The following NPSR1 variants were observed in gnomAD, a reference collection of about 807,000 sequenced individuals.
The protein encoded by NPSR1 is neuropeptide S receptor 1.
A neutral mutation model predicts 46.9 loss-of-function variants in NPSR1; 48 were observed. The observed-to-expected ratio is 1.02, with a 90% CI of 0.81 to 1.30. NPSR1 has a LOEUF of 1.30. Ranked by LOEUF, NPSR1 falls within the 50% of genes most tolerant of loss-of-function variation. NPSR1 has a pLI of 0.00. For synonymous variants in NPSR1, 176 were observed against 168.1 expected, an observed-to-expected ratio of 1.05 and a Z score of -0.36; for missense variants, 450 against 449.5, an observed-to-expected ratio of 1.00 and a Z score of -0.01.
chr7:34,834,465 G>C lies in NPSR1; in HGVS notation c.757+5G>C, dbSNP rs1562764273. 1 of 1,601,606 alleles carries C rather than the reference G, an allele frequency of 6.2e-7. No homozygotes were observed. Among genetic ancestry groups the C allele is most frequent in the African/African-American group, 1.3e-5 (1 of 74,620 alleles). ...CAGTGATTTCCAACTGCTCAGGTAA[G>C]TCTCTACTCTGCATGGCCCAATTCT... On this transcript the variant is annotated splice_donor_5th_base_variant and intron_variant, in intron 6 of 8. Coordinates refer to ENST00000360581, the MANE Select transcript of NPSR1 (RefSeq NM_207172.2).
At chr7:34,763,544 T>C (rs576857146) in intron 2 of NPSR1, among the ~76,000 whole-genome samples, 2 of 152,306 alleles carry the variant, frequency 1.3e-5, no homozygotes, top group East Asian at 1.9e-4. Context: ...TCATGTATTA[T>C]AGGTACTATA....
At chr7:34,877,854 C>T (rs1791613816) in intron 8 of NPSR1, among the ~76,000 whole-genome samples, 1 of 152,062 alleles carries the variant, frequency 6.6e-6, no homozygotes, top group South Asian at 2.1e-4. Flanking sequence ...GGCAGCAGGG[C>T]CCAGCCCTTA....
chr7:34,680,249 C>T (rs986370687), intron 1 of NPSR1, among the ~76,000 whole-genome samples: 1 of 152,020 alleles, frequency 6.6e-6, no homozygotes, highest in African/African-American at 2.4e-5. Flanking sequence ...ATACAAAAGA[C>T]TTAATGAAAT....
intron 5 of NPSR1, among the ~76,000 whole-genome samples, chr7:34,830,228 G>A (rs1273347107): frequency 6.6e-6 from 1 of 152,190 alleles, no homozygotes; most frequent in Non-Finnish European, 1.5e-5. Flanking sequence ...AATTCTCTGA[G>A]TAAGGTTAAA....
At chr7:34,696,988 T>G (rs183546827) in intron 2 of NPSR1, among the ~76,000 whole-genome samples, 1 of 152,144 alleles carries the variant, frequency 6.6e-6, no homozygotes, top group Admixed American at 6.5e-5. Flanking sequence ...TTTTTAAGGA[T>G]ACATACCAAA....
chr7:34,691,070 T>C (rs1793226024), intron 2 of NPSR1, among the ~76,000 whole-genome samples: 1 of 152,218 alleles, frequency 6.6e-6, no homozygotes, highest in African/African-American at 2.4e-5. Context: ...CAGGGGCCTA[T>C]TTTTAGCCTC....
chr7:34,671,687 A>G (rs901194346), intron 1 of NPSR1, among the ~76,000 whole-genome samples: 4 of 152,198 alleles, frequency 2.6e-5, no homozygotes, highest in Non-Finnish European at 5.9e-5. Flanking sequence ...AAGAGTAGCA[A>G]TTCCAGACTC....
At chr7:34,724,551 TC>T (rs1479790460) in intron 2 of NPSR1, among the ~76,000 whole-genome samples, 1 of 152,220 alleles carries the variant, frequency 6.6e-6, no homozygotes, top group Non-Finnish European at 1.5e-5. Context: ...TTCTTTTAAT[TC>T]CCCCTTCAAA....
intron 1 of NPSR1, among the ~76,000 whole-genome samples, chr7:34,675,934 C>T (rs1792292541): frequency 6.6e-6 from 1 of 152,166 alleles, no homozygotes; most frequent in African/African-American, 2.4e-5. Context: ...TGGAATTTTG[C>T]CTCACATCAC....
chr7:34,690,826 T>A (rs1055297498), intron 2 of NPSR1, among the ~76,000 whole-genome samples: 1 of 152,140 alleles, frequency 6.6e-6, no homozygotes, highest in Non-Finnish European at 1.5e-5. Flanking sequence ...TCAGAAAAGC[T>A]TCTTTGGTTT....
intron 6 of NPSR1, among the ~76,000 whole-genome samples, chr7:34,840,953 C>T (rs535813540): frequency 6.6e-6 from 1 of 152,224 alleles, no homozygotes; most frequent in African/African-American, 2.4e-5. Flanking sequence ...ACCTAATGTG[C>T]TTAAAATACT....
intron 2 of NPSR1, among the ~76,000 whole-genome samples, chr7:34,747,229 G>A (rs1212857135): frequency 6.6e-6 from 1 of 152,042 alleles, no homozygotes; most frequent in Non-Finnish European, 1.5e-5. Flanking sequence ...CTGCAGGTTG[G>A]AGAACATCAC....
chr7:34,666,826 A>G lies in NPSR1; in HGVS notation c.147+8267A>G, dbSNP rs112957683. ...CATGGTTTTTGTCTTGTTATTATCT[A>G]CATTACAAAGAGATTGAATAGATTC... On this transcript the variant is annotated intron_variant, in intron 1 of 8. Transcript: ENST00000360581. 1.7e-3 allele frequency among the ~76,000 whole-genome samples: 264 copies of G among 152,326 alleles called. 1 individual carries two copies. Among genetic ancestry groups the G allele is most frequent in the African/African-American group, 5.7e-3 (239 of 41,574 alleles).
intron 2 of NPSR1, among the ~76,000 whole-genome samples, chr7:34,759,026 C>A (rs1323498099): frequency 6.6e-6 from 1 of 152,132 alleles, no homozygotes; most frequent in Non-Finnish European, 1.5e-5. Flanking sequence ...AGGTTATGTG[C>A]TTTTGAGAGT....
intron 2 of NPSR1, chr7:34,751,806 T>C: frequency 1.3e-6 from 2 of 1,583,760 alleles, no homozygotes; most frequent in Non-Finnish European, 1.7e-6. Context: ...CACAGATCAC[T>C]GTGGGACTCT....
intron 2 of NPSR1, among the ~76,000 whole-genome samples, chr7:34,687,808 T>C (rs147274633): frequency 3.3e-4 from 51 of 152,308 alleles, no homozygotes; most frequent in African/African-American, 1.2e-3. Context: ...ATTTAAACAT[T>C]TGTTAGAAGG....
intron 2 of NPSR1, chr7:34,711,522 T>A (rs915266582): frequency 1.3e-5 from 2 of 152,162 alleles, no homozygotes; most frequent in African/African-American, 4.8e-5. Flanking sequence ...TGTCAGTTAA[T>A]AAACAGTGAC....
chr7:34,803,212 A>C (rs1178193076), intron 3 of NPSR1, among the ~76,000 whole-genome samples: 1 of 151,906 alleles, frequency 6.6e-6, no homozygotes, highest in Non-Finnish European at 1.5e-5. Context: ...CCATCCCATT[A>C]CTGGGTATTT....
intron 3 of NPSR1, among the ~76,000 whole-genome samples, chr7:34,792,668 TATATATGTATA>T (rs1787956832): frequency 2.5e-5 from 3 of 119,890 alleles, no homozygotes; most frequent in Non-Finnish European, 5.1e-5. Flanking sequence ...TATATATTTA[TATATATGTATA>T]TATATATATG....
Sources: allele counts gnomAD v4.1 joint callset (sites outside exome capture counted in the v4.1 genomes callset), GRCh38; gene constraint gnomAD v4.1.1; transcripts MANE v1.5; gene names NCBI Gene and HGNC (gene_info 2026-07-23, HGNC 2026-07-21).